Variants in MAP4K3 observed in about 807,000 individuals in gnomAD.
The protein encoded by MAP4K3 is mitogen-activated protein kinase kinase kinase kinase 3.
In MAP4K3, 94 loss-of-function variants were observed where a neutral mutation model predicts 143.5. That is an observed-to-expected ratio of 0.65 (90% CI 0.55 to 0.78). The LOEUF (loss-of-function observed/expected upper bound fraction) is 0.78. MAP4K3 is among the 30% of genes least tolerant of loss of function. The pLI, the probability that MAP4K3 is intolerant of heterozygous loss-of-function variation, is 0.00. For missense variants in MAP4K3, 1,077 were observed against 1,068.1 expected (o/e 1.01, Z -0.12); for synonymous variants, 416 against 347.2 (o/e 1.20, Z -2.20).
intron 1 of MAP4K3, among the ~76,000 whole-genome samples, chr2:39,409,700 A>C (rs1667187135): frequency 6.6e-6 from 1 of 152,248 alleles, no homozygotes; most frequent in South Asian, 2.1e-4. Flanking sequence ...TCAGAGTTGA[A>C]AATAAACAAA....
At chr2:39,254,737 T>C (rs1046325828) in intron 31 of MAP4K3, among the ~76,000 whole-genome samples, 5 of 152,166 alleles carry the variant, frequency 3.3e-5, no homozygotes, top group African/African-American at 1.2e-4. Context: ...AAAATATTTT[T>C]GTTATAGTTT....
At chr2:39,375,543 A>G (rs529236016) in intron 2 of MAP4K3, among the ~76,000 whole-genome samples, 1 of 152,346 alleles carries the variant, frequency 6.6e-6, no homozygotes, top group East Asian at 1.9e-4. Flanking sequence ...CGTAGCAACT[A>G]TTTGCTAAGC....
intron 1 of MAP4K3, among the ~76,000 whole-genome samples, chr2:39,415,377 C>CAAGT (rs138813380): frequency 3.3e-5 from 5 of 151,996 alleles, no homozygotes; most frequent in African/African-American, 1.2e-4. Context: ...TATTGGTGCA[C>CAAGT]AAGTAAGTAA....
intron 1 of MAP4K3, among the ~76,000 whole-genome samples, chr2:39,427,134 C>T (rs969783930): frequency 6.6e-6 from 1 of 151,906 alleles, no homozygotes; most frequent in Non-Finnish European, 1.5e-5. Context: ...CAGACTTCTC[C>T]ACAGCACAAC....
At chr2:39,300,902 T>C (rs541905327) in intron 15 of MAP4K3, among the ~76,000 whole-genome samples, 1 of 152,354 alleles carries the variant, frequency 6.6e-6, no homozygotes, top group South Asian at 2.1e-4. Context: ...CTTCTTTCCT[T>C]ACAGCCTACG....
intron 12 of MAP4K3, among the ~76,000 whole-genome samples, chr2:39,318,146 C>G (rs1683181058): frequency 6.6e-6 from 1 of 152,068 alleles, no homozygotes; most frequent in Non-Finnish European, 1.5e-5. Context: ...AACTCAGGAG[C>G]AGAAAACCAA....
At chr2:39,377,431 G>A (rs1458416523) in intron 2 of MAP4K3, among the ~76,000 whole-genome samples, 1 of 151,992 alleles carries the variant, frequency 6.6e-6, no homozygotes, top group Non-Finnish European at 1.5e-5. Context: ...GGGTTTCTAA[G>A]AGAGAATAAA....
intron 12 of MAP4K3, among the ~76,000 whole-genome samples, chr2:39,318,919 G>T (rs1683207179): frequency 6.6e-6 from 1 of 152,148 alleles, no homozygotes; most frequent in South Asian, 2.1e-4. Context: ...GTTGACATAA[G>T]CCAGTGGTTT....
At chr2:39,263,344 C>G (rs1480695579) in intron 28 of MAP4K3, among the ~76,000 whole-genome samples, 1 of 146,042 alleles carries the variant, frequency 6.8e-6, no homozygotes, top group Non-Finnish European at 1.5e-5. Flanking sequence ...GCAATCTCGG[C>G]TCACTGCAAG....
chr2:39,299,694 A>T (rs758783896), intron 16 of MAP4K3, 49 bp downstream of exon 16: 1 of 1,022,604 alleles, frequency 9.8e-7, no homozygotes, highest in Non-Finnish European at 1.4e-6. Flanking sequence ...ATTAAAGGCA[A>T]CTTAATAATT....
intron 15 of MAP4K3, among the ~76,000 whole-genome samples, chr2:39,305,243 AAAAC>A (rs1682660962): frequency 6.6e-6 from 1 of 152,226 alleles, no homozygotes; most frequent in Non-Finnish European, 1.5e-5. Flanking sequence ...AAAAAAAACA[AAAAC>A]AAAACATAAC....
intron 3 of MAP4K3, among the ~76,000 whole-genome samples, chr2:39,344,249 A>G (rs1437405184): frequency 6.6e-6 from 1 of 152,326 alleles, no homozygotes; most frequent in East Asian, 1.9e-4. Flanking sequence ...AAGAATAAAC[A>G]TATCGAATTA....
rs778670179 is a variant in MAP4K3 at position 39,299,578 on chromosome 2, T to C, written c.1178+165A>G. 1.7e-3 allele frequency among the ~76,000 whole-genome samples: 260 copies of C among 152,172 alleles called. 1 individual carries two copies. Among genetic ancestry groups the C allele is most frequent in the Non-Finnish European group, 3.1e-3 (211 of 68,002 alleles). ...TTGATGCTTCCCATTAGGACAACTA[T>C]TAACTAAATAATGAGCAAGGAAGCA... is the stretch of plus-strand genomic sequence containing the variant. On this transcript the variant is annotated intron_variant, in intron 16 of 33. Coordinates refer to ENST00000263881, the MANE Select transcript of MAP4K3 (RefSeq NM_003618.4).
At chr2:39,406,506 T>C (rs979492518) in intron 1 of MAP4K3, among the ~76,000 whole-genome samples, 1 of 152,114 alleles carries the variant, frequency 6.6e-6, no homozygotes, top group African/African-American at 2.4e-5. Context: ...AAATATACAC[T>C]GGAGATCTAA....
chr2:39,284,673 G>A (rs62138512), intron 21 of MAP4K3, among the ~76,000 whole-genome samples: 5,766 of 151,386 alleles, frequency 0.038, 144 homozygotes, highest in Non-Finnish European at 0.059. Flanking sequence ...GTGAAACTCC[G>A]TCTGTACTAA....
intron 12 of MAP4K3, among the ~76,000 whole-genome samples, chr2:39,317,077 G>C (rs1683135261): frequency 6.6e-6 from 1 of 151,988 alleles, no homozygotes; most frequent in South Asian, 2.1e-4. Context: ...TAGACCAATG[G>C]AACAGAACAG....
chr2:39,432,838 G>T (rs910822187), intron 1 of MAP4K3, among the ~76,000 whole-genome samples: 1 of 152,034 alleles, frequency 6.6e-6, no homozygotes, highest in African/African-American at 2.4e-5. Flanking sequence ...CACAGACTAC[G>T]ATGTGAATCC....
At chr2:39,391,063 T>C (rs1666638272) in intron 1 of MAP4K3, among the ~76,000 whole-genome samples, 1 of 151,938 alleles carries the variant, frequency 6.6e-6, no homozygotes, top group Non-Finnish European at 1.5e-5. Context: ...TTAGAAATAA[T>C]ACATACTATA....
chr2:39,258,626 G>A (rs1680439937), intron 29 of MAP4K3, 39 bp from the exon 30 acceptor site: 2 of 1,330,612 alleles, frequency 1.5e-6, no homozygotes, highest in Admixed American at 3.4e-5. Context: ...TACAGAAACT[G>A]TGATACTTAA....
Sources: allele counts gnomAD v4.1 joint callset (sites outside exome capture counted in the v4.1 genomes callset), GRCh38; gene constraint gnomAD v4.1.1; transcripts MANE v1.5; gene names NCBI Gene and HGNC (gene_info 2026-07-23, HGNC 2026-07-21).